Variants in FXR1 observed in about 807,000 individuals in gnomAD.
FXR1 encodes RNA-binding protein FXR1.
A neutral mutation model predicts 84.0 loss-of-function variants in FXR1; 15 were observed. That is an observed-to-expected ratio of 0.18 (90% CI 0.12 to 0.27). The LOEUF is 0.27. FXR1 is among the 10% of genes least tolerant of loss of function. The probability of loss-of-function intolerance (pLI) is 1.00; values close to 1 mark genes in which losing one functional copy is unlikely to be tolerated. For synonymous variants in FXR1, 245 were observed against 250.7 expected (o/e 0.98, Z 0.21); for missense variants, 480 against 774.4 (o/e 0.62, Z 4.51).
At chr3:180,951,526 A>T in intron 8 of FXR1, 58 bp downstream of exon 8, 1 of 1,218,738 alleles carries the variant, frequency 8.2e-7, no homozygotes, top group Non-Finnish European at 1.2e-6. Flanking sequence ...TTGTTTGATT[A>T]TATTTTTATC....
At chr3:180,943,213 C>T (rs1046029125) in intron 3 of FXR1, among the ~76,000 whole-genome samples, 3 of 150,540 alleles carry the variant, frequency 2.0e-5, no homozygotes, top group Admixed American at 1.3e-4. Flanking sequence ...GTGATCCACC[C>T]GCCTTGGCAT....
At chr3:180,929,913 C>T (rs913120222) in intron 1 of FXR1, among the ~76,000 whole-genome samples, 2 of 152,166 alleles carry the variant, frequency 1.3e-5, no homozygotes, top group African/African-American at 4.8e-5. Context: ...ATTTTAAGGA[C>T]TTGGTGTCAG....
intron 9 of FXR1, chr3:180,954,084 T>G (rs899552059): frequency 3.3e-5 from 11 of 337,204 alleles, no homozygotes; most frequent in Non-Finnish European, 5.9e-5. Flanking sequence ...CCCAGGGTTT[T>G]TATAAGTTTG....
chr3:180,950,162 C>G (rs1722080635), intron 7 of FXR1, among the ~76,000 whole-genome samples: 1 of 152,182 alleles, frequency 6.6e-6, no homozygotes, highest in African/African-American at 2.4e-5. Flanking sequence ...GTTCTTCCCA[C>G]TCACTCACAC....
intron 3 of FXR1, among the ~76,000 whole-genome samples, chr3:180,938,715 A>G (rs1720805285): frequency 6.6e-6 from 1 of 151,246 alleles, no homozygotes; most frequent in African/African-American, 2.4e-5. Context: ...TACCCGGCTG[A>G]TTTTGTATTT....
rs1721637345 is a variant in FXR1, at chr3:180,945,846, T to A, written c.199-2019T>A. Among the ~76,000 whole-genome samples, 3 of 152,354 alleles carry A rather than the reference T, an allele frequency of 2.0e-5. 1 individual carries two copies. Among genetic ancestry groups the A allele is most frequent in the Non-Finnish European group, 4.4e-5 (3 of 68,028 alleles). ...ACTGGATGAGAATACACATCATCTTTCCCTCTTCTCCTTAGAAATACATTG... is the reference window on the plus strand; with the variant it reads ...ACTGGATGAGAATACACATCATCTTACCCTCTTCTCCTTAGAAATACATTG... On this transcript the variant is annotated intron_variant, in intron 3 of 16. Coordinates refer to ENST00000357559, the MANE Select transcript of FXR1 (RefSeq NM_005087.4).
chr3:180,951,291 T>C lies in FXR1; in HGVS notation c.631-7T>C. 6.4e-7 allele frequency: 1 copy of C among 1,555,106 alleles called. No individual in the cohort carries two copies. Among genetic ancestry groups the C allele is most frequent in the Non-Finnish European group, 8.8e-7 (1 of 1,137,558 alleles). Reference sequence around the variant, plus strand: ...CTTTTATATTACTAATTTTCCTTTTTTATTAGTGCACAAAACAACTTGCAG... The same window carrying C: ...CTTTTATATTACTAATTTTCCTTTTCTATTAGTGCACAAAACAACTTGCAG... On this transcript the variant is annotated splice_polypyrimidine_tract_variant and splice_region_variant and intron_variant, in intron 7 of 16. Transcript: ENST00000357559.
chr3:180,961,934 T>TA (rs1280994643), intron 11 of FXR1, among the ~76,000 whole-genome samples: 1 of 152,174 alleles, frequency 6.6e-6, no homozygotes, highest in African/African-American at 2.4e-5. Context: ...ACAAATAGGG[T>TA]ACAGAACCAG....
intron 1 of FXR1, among the ~76,000 whole-genome samples, chr3:180,916,437 G>C (rs559524982): frequency 6.6e-6 from 1 of 151,976 alleles, no homozygotes; most frequent in South Asian, 2.1e-4. Context: ...TCTTTTGCCC[G>C]GGTGGGAGCA....
In FXR1 at chr3:180,957,944, G is replaced by A; in HGVS notation, c.990+16G>A. On this transcript the variant is annotated intron_variant, in intron 10 of 16. Transcript: ENST00000357559. ...CAGAGAAGACGTAAGTATTTAAAAT[G>A]TAATCTGCCTCTTTAAAATGTCCTT... The A allele has an allele frequency of 8.9e-7, 1 of 1,129,226 alleles. No homozygotes were observed. Among genetic ancestry groups the A allele is most frequent in the Admixed American group, 2.0e-5 (1 of 49,326 alleles). 70.0% of individuals were successfully genotyped at this position (1,129,226 alleles called of 1,614,324 possible).
At chr3:180,967,566 A>G (rs1311605109) in intron 13 of FXR1, among the ~76,000 whole-genome samples, 1 of 150,816 alleles carries the variant, frequency 6.6e-6, no homozygotes, top group African/African-American at 2.4e-5. Context: ...GATGTTCTGT[A>G]TGGTTTTTTT....
chr3:180,927,422 G>C (rs1431515120), intron 1 of FXR1, among the ~76,000 whole-genome samples: 1 of 152,000 alleles, frequency 6.6e-6, no homozygotes. Context: ...TCCACAGCCA[G>C]GGTCCATAAT....
At chr3:180,972,476 G>T (rs1172273640) in intron 15 of FXR1, among the ~76,000 whole-genome samples, 3 of 152,284 alleles carry the variant, frequency 2.0e-5, no homozygotes, top group South Asian at 4.1e-4. Context: ...TTTAGATGAA[G>T]AGATTATTTC....
rs768543445 is a variant in FXR1, at chr3:180,912,734, A to G, written c.49A>G (p.Lys17Glu). The change falls in exon 1 of 17, where the codon AAG (lysine) becomes GAG (glutamate). Residue 17 changes from lysine to glutamate, a missense_variant and splice_region_variant. This residue lies in a region of FXR1 where 54 missense variants were observed against 74.2 expected (regional missense o/e 0.73). Transcript: ENST00000357559. ...TCGCGGCTCTAACGGGGCTTTCTACAAGGTACTGACCGTTTTGCCACTTTG... is the reference window on the plus strand; with the variant it reads ...TCGCGGCTCTAACGGGGCTTTCTACGAGGTACTGACCGTTTTGCCACTTTG... The part of the protein sequence containing the change: ...EVRGSNGAFY[K>E]GFIKDVHEDS... The G allele has an allele frequency of 3.1e-6, 5 of 1,613,828 alleles. No individual in the cohort carries two copies. The highest frequency in any genetic ancestry group is 4.2e-6 in the Non-Finnish European group (5 of 1,179,934).
At chr3:180,920,711 G>C (rs981069665) in intron 1 of FXR1, among the ~76,000 whole-genome samples, 1 of 152,030 alleles carries the variant, frequency 6.6e-6, no homozygotes, top group Non-Finnish European at 1.5e-5. Context: ...GCGATTTGCC[G>C]TGTTGACTAG....
intron 15 of FXR1, among the ~76,000 whole-genome samples, chr3:180,974,033 TTAAAG>T (rs1713910593): frequency 6.6e-6 from 1 of 152,218 alleles, no homozygotes; most frequent in Non-Finnish European, 1.5e-5. Flanking sequence ...CTCCCATAAT[TTAAAG>T]TATATATTGT....
At chr3:180,938,534 T>C (rs1314326813) in intron 3 of FXR1, among the ~76,000 whole-genome samples, 1 of 152,152 alleles carries the variant, frequency 6.6e-6, no homozygotes, top group Non-Finnish European at 1.5e-5. Context: ...ATTTTATGGC[T>C]GAGTTTTATT....
intron 3 of FXR1, among the ~76,000 whole-genome samples, chr3:180,942,372 C>A (rs565081196): frequency 4.4e-5 from 4 of 91,002 alleles, no homozygotes; most frequent in South Asian, 3.8e-4. Context: ...AGCGAGACTC[C>A]GTCTCAAAAA....
intron 8 of FXR1, 78 bp from the exon 9 acceptor site, chr3:180,953,684 C>A: frequency 1.4e-6 from 1 of 712,518 alleles, no homozygotes; most frequent in South Asian, 1.8e-5. Flanking sequence ...TTTCTCTTTT[C>A]TCATCTTCTT....
Sources: allele counts gnomAD v4.1 joint callset (sites outside exome capture counted in the v4.1 genomes callset), GRCh38; gene constraint gnomAD v4.1.1; regional missense constraint gnomAD v4.1.1; transcripts MANE v1.5; gene names NCBI Gene and HGNC (gene_info 2026-07-23, HGNC 2026-07-21).